FBXO15: variants seen among roughly 807,000 people sequenced by gnomAD.
The protein encoded by FBXO15 is F-box protein 15.
In FBXO15, 30 loss-of-function variants were observed where a neutral mutation model predicts 49.5. That is an observed-to-expected ratio of 0.61 (90% CI 0.45 to 0.82). FBXO15 has a LOEUF of 0.82. FBXO15 is among the 40% of genes least tolerant of loss of function. FBXO15 has a pLI of 0.00. For synonymous variants in FBXO15, 250 were observed against 232.7 expected (o/e 1.07, Z -0.68); for missense variants, 591 against 631.5 (o/e 0.94, Z 0.69).
chr18:74,128,959 G>C (rs775342652), intron 5 of FBXO15, among the ~76,000 whole-genome samples: 5 of 152,142 alleles, frequency 3.3e-5, no homozygotes, highest in Non-Finnish European at 7.4e-5. Flanking sequence ...CACAGAAAGA[G>C]TAAGTTACTT....
rs1912225121 is a variant in FBXO15 at position 74,075,573 on chromosome 18, G to C, written c.1264-1843C>G. On this transcript the variant is annotated intron_variant, in intron 9 of 9. Coordinates refer to ENST00000419743, the MANE Select transcript of FBXO15 (RefSeq NM_001142958.2). This position sits in a 1 kb window ranked among gnomAD's most constrained non-coding sequence, Gnocchi z 4.1. The stretch of plus-strand genomic sequence containing the variant: ...CCTCTCCAAAGAGCTGTCTCCGCTG[G>C]ATTTGTCCATTAATACCCATTCACT... Among the ~76,000 whole-genome samples the C allele has an allele frequency of 6.6e-6, 1 of 152,188 alleles. No individual in the cohort carries two copies. Among genetic ancestry groups the C allele is most frequent in the Admixed American group, 6.5e-5 (1 of 15,278 alleles).
rs770042712 is a variant in FBXO15 at position 74,125,955 on chromosome 18, T to C, written c.912+20A>G. On this transcript the variant is annotated intron_variant, in intron 6 of 9. Coordinates refer to ENST00000419743, the MANE Select transcript of FBXO15 (RefSeq NM_001142958.2). Reference sequence around the variant, plus strand: ...TGTGATGGGGAAATGACACAGTACATACAGGGACTCAAGTCTTACCTTCCA... The same window carrying C: ...TGTGATGGGGAAATGACACAGTACACACAGGGACTCAAGTCTTACCTTCCA... 3.1e-6 allele frequency: 5 copies of C among 1,613,480 alleles called. No homozygotes were observed. The highest frequency in any genetic ancestry group is 1.7e-4 in the Middle Eastern group (1 of 6,060).
chr18:74,104,065 C>T (rs531352927), intron 8 of FBXO15, among the ~76,000 whole-genome samples: 2 of 152,124 alleles, frequency 1.3e-5, no homozygotes, highest in South Asian at 2.1e-4. Context: ...GCTACAGCAA[C>T]GTGTTAGGAG....
Position 74,082,062 on chromosome 18 carries a change from A to G in FBXO15, c.1139-11T>C, listed in dbSNP as rs368161294. 6.8e-6 allele frequency: 11 copies of G among 1,609,054 alleles called. No homozygotes were observed. In the African/African-American group the frequency reaches 1.1e-4, roughly 16 times the overall value. On this transcript the variant is annotated splice_polypyrimidine_tract_variant and intron_variant, in intron 8 of 9. Coordinates refer to ENST00000419743, the MANE Select transcript of FBXO15 (RefSeq NM_001142958.2). ...CATTTTCAATATTTCCTGAAAAGAT[A>G]TAAGATTGTTTCAATCACTGTCTTC...
Position 74,124,566 on chromosome 18 carries a change from C to T in FBXO15, c.918G>A (p.Glu306=), listed in dbSNP as rs1430885235. 1 of 1,613,862 alleles carries T rather than the reference C, an allele frequency of 6.2e-7. No homozygotes were observed. The highest frequency in any genetic ancestry group is 1.7e-5 in the Admixed American group (1 of 60,012). The change falls in exon 7 of 10, where the codon GAG becomes GAA. Residue 306 remains glutamate, a synonymous_variant. Coordinates refer to ENST00000419743, the MANE Select transcript of FBXO15 (RefSeq NM_001142958.2). ...PGLLVGVWKK[E]EELAFVMANL... ...TTGCCATAACAAAAGCCAGTTCTTC[C>T]TCCTTCTGAAAAGTTAATTGAGAAG...
At position 74,110,871 on chromosome 18, in the gene FBXO15, A is replaced by C. The variant is rs112807125; in HGVS notation, c.1138+12497T>G. On this transcript the variant is annotated intron_variant, in intron 8 of 9. Transcript: ENST00000419743. ...TTCCAAAATGCCATAACAATTCTTA[A>C]TGTGTATGTGATTAACAACAGAACA... Among the ~76,000 whole-genome samples, 604 of 152,320 alleles carry C rather than the reference A, an allele frequency of 4.0e-3. 4 individuals are homozygous for C. The highest frequency in any genetic ancestry group is 6.6e-3 in the Non-Finnish European group (449 of 68,022).
In FBXO15 at chr18:74,147,716, T is replaced by C. The variant is rs546354758; in HGVS notation, c.70A>G (p.Arg24Gly). The C allele has an allele frequency of 6.5e-7, 1 of 1,532,768 alleles. No individual in the cohort carries two copies. The highest frequency in any genetic ancestry group is 1.4e-5 in the African/African-American group (1 of 71,816). 94.9% of individuals were successfully genotyped at this position (1,532,768 alleles called of 1,614,324 possible). The change falls in exon 1 of 10, where the codon AGG becomes GGG. Residue 24 changes from arginine (R) to glycine (G), a missense_variant. Physicochemically the swap from Arg to Gly is moderately radical, Grantham distance 125. Transcript: ENST00000419743. ...LGLQTLRGPS[R>G]GGGAARGRAR... is the part of the protein sequence containing the mutation. ...CGCCCCCGGGCCGCGCCACCGCCCC[T>C]GCTGGGCCCGCGCAGCGTCTGGAGG...
intron 8 of FBXO15, among the ~76,000 whole-genome samples, chr18:74,103,331 A>G (rs1486353013): frequency 1.3e-5 from 2 of 151,790 alleles, no homozygotes; most frequent in Non-Finnish European, 2.9e-5. Context: ...CAGAGGAAAA[A>G]AGAAAAAAGA....
intron 8 of FBXO15, among the ~76,000 whole-genome samples, chr18:74,120,579 T>C (rs1182002590): frequency 6.6e-6 from 1 of 151,980 alleles, no homozygotes; most frequent in African/African-American, 2.4e-5. Context: ...AACCCATATA[T>C]CAAAGAAGAA....
At chr18:74,132,276 C>T (rs1978440802) in intron 3 of FBXO15, among the ~76,000 whole-genome samples, 1 of 152,170 alleles carries the variant, frequency 6.6e-6, no homozygotes, top group Non-Finnish European at 1.5e-5. Context: ...CTTGTGTTTT[C>T]TTCACATTTA....
intron 8 of FBXO15, among the ~76,000 whole-genome samples, chr18:74,085,296 A>G (rs1414603268): frequency 6.6e-6 from 1 of 152,122 alleles, no homozygotes; most frequent in Non-Finnish European, 1.5e-5. Context: ...GGGATTATTT[A>G]TAAAGACACA....
chr18:74,133,376 T>C (rs772809711), intron 3 of FBXO15, among the ~76,000 whole-genome samples: 1 of 152,132 alleles, frequency 6.6e-6, no homozygotes, highest in Non-Finnish European at 1.5e-5. Context: ...TTCTTCACCA[T>C]GCAGGTGAAG....
intron 8 of FBXO15, among the ~76,000 whole-genome samples, chr18:74,084,633 A>G (rs2145112455): frequency 6.6e-6 from 1 of 152,298 alleles, no homozygotes; most frequent in Middle Eastern, 3.4e-3. Context: ...CTGTTCTTGG[A>G]GACTCTAATC....
intron 3 of FBXO15, among the ~76,000 whole-genome samples, chr18:74,131,135 C>T (rs1241784763): frequency 6.6e-6 from 1 of 152,122 alleles, no homozygotes; most frequent in Non-Finnish European, 1.5e-5. Flanking sequence ...TAACTTTCAA[C>T]AAGGAATACG....
At position 74,082,034 on chromosome 18, in the gene FBXO15, G is replaced by A. The variant is rs1479974479; in HGVS notation, c.1156C>T (p.His386Tyr). ...FTKRGNIENG[H>Y]VKLIVIHLKN... ...AAATGTATAACAATGAGCTTCACAT[G>A]TCCATTTTCAATATTTCCTGAAAAG... Residue 386 changes from histidine to tyrosine, a missense_variant, in exon 9 of 10, where the codon CAT becomes TAT. Coordinates refer to ENST00000419743, the MANE Select transcript of FBXO15 (RefSeq NM_001142958.2). The A allele has an allele frequency of 6.2e-7, 1 of 1,610,980 alleles. No individual in the cohort carries two copies. Among genetic ancestry groups the A allele is most frequent in the South Asian group, 1.1e-5 (1 of 90,076 alleles).
rs886732696 is a variant in FBXO15, at chr18:74,073,403, A to C, written c.*58T>G. On this transcript the variant is annotated 3_prime_UTR_variant, in exon 10 of 10. Coordinates refer to ENST00000419743, the MANE Select transcript of FBXO15 (RefSeq NM_001142958.2). ...TGCTTTATTTTAATTTTCAACACCAAGAACAAAGCCAGTCAAAAATAAACA... is the reference window on the plus strand; with the variant it reads ...TGCTTTATTTTAATTTTCAACACCACGAACAAAGCCAGTCAAAAATAAACA... 1.9e-6 allele frequency: 3 copies of C among 1,555,900 alleles called. No individual in the cohort carries two copies. The highest frequency in any genetic ancestry group is 2.7e-5 in the African/African-American group (2 of 73,158).
intron 2 of FBXO15, among the ~76,000 whole-genome samples, chr18:74,138,641 C>G (rs941342435): frequency 6.6e-5 from 10 of 152,100 alleles, no homozygotes; most frequent in African/African-American, 2.2e-4. Context: ...ACTGACACAT[C>G]CATCATCCAT....
chr18:74,116,344 T>C (rs1456696931), intron 8 of FBXO15, among the ~76,000 whole-genome samples: 1 of 152,268 alleles, frequency 6.6e-6, no homozygotes, highest in African/African-American at 2.4e-5. Context: ...TTCATATGCA[T>C]ATGTGCATTT....
intron 2 of FBXO15, among the ~76,000 whole-genome samples, chr18:74,137,146 T>C (rs985376599): frequency 1.3e-5 from 2 of 152,220 alleles, no homozygotes; most frequent in African/African-American, 2.4e-5. Flanking sequence ...AGAGACGTTC[T>C]GAGAGTTTAA....
Sources: allele counts gnomAD v4.1 joint callset (sites outside exome capture counted in the v4.1 genomes callset), GRCh38; gene constraint gnomAD v4.1.1; non-coding constraint Gnocchi (gnomAD v3.1); transcripts MANE v1.5; gene names NCBI Gene and HGNC (gene_info 2026-07-23, HGNC 2026-07-21).